The following GPR176 variants were observed in gnomAD, a reference collection of about 807,000 sequenced individuals.
The protein encoded by GPR176 is G-protein coupled receptor 176.
In GPR176, 26 loss-of-function variants were observed where a neutral mutation model predicts 35.4. The ratio of observed to expected loss-of-function variants is 0.74; its 90% CI spans 0.54 to 1.02. The LOEUF is 1.02. Among genes scored for constraint, GPR176 ranks in the 50% least tolerant of loss-of-function variants. The pLI, the probability that GPR176 is intolerant of heterozygous loss-of-function variation, is 0.00. For synonymous variants in GPR176, 278 were observed against 271.3 expected, an observed-to-expected ratio of 1.02 and a Z score of -0.24; for missense variants, 597 against 665.3, an observed-to-expected ratio of 0.90 and a Z score of 1.13.
chr15:39,901,921 A>C (rs1310272660), intron 1 of GPR176, among the ~76,000 whole-genome samples: 1 of 134,870 alleles, frequency 7.4e-6, no homozygotes, highest in Non-Finnish European at 1.6e-5. Context: ...CAAAAATACA[A>C]AAAAAAAAAA....
intron 1 of GPR176, among the ~76,000 whole-genome samples, chr15:39,867,232 C>T (rs2031865233): frequency 1.3e-5 from 2 of 152,164 alleles, no homozygotes; most frequent in African/African-American, 4.8e-5. Flanking sequence ...AATACATGGG[C>T]TACATGTGTA....
intron 1 of GPR176, among the ~76,000 whole-genome samples, chr15:39,833,527 A>G (rs1901223015): frequency 6.6e-6 from 1 of 152,170 alleles, no homozygotes; most frequent in African/African-American, 2.4e-5. Flanking sequence ...TGTGGATACT[A>G]ATGAGAAGAC....
At chr15:39,880,425 T>C (rs2032429471) in intron 1 of GPR176, among the ~76,000 whole-genome samples, 1 of 152,154 alleles carries the variant, frequency 6.6e-6, no homozygotes, top group Non-Finnish European at 1.5e-5. Flanking sequence ...AACCTGCTTG[T>C]TAAAAGGTCC....
intron 1 of GPR176, among the ~76,000 whole-genome samples, chr15:39,875,906 C>G (rs1007780086): frequency 6.8e-6 from 1 of 146,068 alleles, no homozygotes; most frequent in Non-Finnish European, 1.5e-5. Context: ...TTTTATTCCT[C>G]CCAATGTTTA....
Position 39,852,838 on chromosome 15 carries a change from C to T in GPR176, c.173-45580G>A, listed in dbSNP as rs77569572. 5.9e-3 allele frequency among the ~76,000 whole-genome samples: 897 copies of T among 152,218 alleles called. 15 individuals are homozygous for T. Among genetic ancestry groups the T allele is most frequent in the African/African-American group, 0.021 (858 of 41,528 alleles). Reference sequence around the variant, plus strand: ...ACAATGTCTAGAGTAATATTTGGCACATAATAGGCACTCAAAAAGTTCTTG... The same window carrying T: ...ACAATGTCTAGAGTAATATTTGGCATATAATAGGCACTCAAAAAGTTCTTG... On this transcript the variant is annotated intron_variant, in intron 1 of 2. Transcript: ENST00000561100.
chr15:39,826,348 C>T (rs1278476220), intron 1 of GPR176, among the ~76,000 whole-genome samples: 1 of 152,144 alleles, frequency 6.6e-6, no homozygotes, highest in Non-Finnish European at 1.5e-5. Flanking sequence ...GCAAAGCACA[C>T]TGAAAAGGGG....
chr15:39,889,345 C>T (rs944391398), intron 1 of GPR176, among the ~76,000 whole-genome samples: 8 of 151,968 alleles, frequency 5.3e-5, no homozygotes, highest in African/African-American at 9.7e-5. Context: ...GTTGGAAATT[C>T]GAGACCAGCC....
At chr15:39,843,181 T>C (rs1007952160) in intron 1 of GPR176, among the ~76,000 whole-genome samples, 1 of 152,066 alleles carries the variant, frequency 6.6e-6, no homozygotes, top group Non-Finnish European at 1.5e-5. Context: ...TAAGAGTGGC[T>C]GTCATGTGGG....
chr15:39,880,536 C>G (rs1245516296), intron 1 of GPR176, among the ~76,000 whole-genome samples: 6 of 152,170 alleles, frequency 3.9e-5, no homozygotes, highest in Non-Finnish European at 8.8e-5. Flanking sequence ...ATTCTTAGAT[C>G]AAATTGGGTA....
chr15:39,814,940 G>A (rs1899798644), intron 1 of GPR176: 1 of 152,152 alleles, frequency 6.6e-6, no homozygotes, highest in Admixed American at 6.5e-5. Context: ...GTGCTTCAGT[G>A]TCATCATCTA....
chr15:39,904,486 T>G (rs374858720), intron 1 of GPR176, among the ~76,000 whole-genome samples: 16 of 152,098 alleles, frequency 1.1e-4, no homozygotes, highest in Non-Finnish European at 2.1e-4. Flanking sequence ...ATGGAATAGA[T>G]AGAGAACTGT....
At chr15:39,918,965 G>A (rs2033800188) in intron 1 of GPR176, among the ~76,000 whole-genome samples, 2 of 152,116 alleles carry the variant, frequency 1.3e-5, no homozygotes, top group Non-Finnish European at 1.5e-5. Flanking sequence ...ACGCCATATC[G>A]GGGACACAGG....
chr15:39,839,348 G>A (rs940497665), intron 1 of GPR176, among the ~76,000 whole-genome samples: 3 of 152,046 alleles, frequency 2.0e-5, no homozygotes, highest in Non-Finnish European at 2.9e-5. Context: ...TCTGATCTTC[G>A]ACAAACCTGT....
chr15:39,816,350 T>C (rs1035291295), intron 1 of GPR176, among the ~76,000 whole-genome samples: 16 of 152,150 alleles, frequency 1.1e-4, no homozygotes, highest in Admixed American at 1.3e-4. Flanking sequence ...CTCCACATTA[T>C]ACACCTATTT....
intron 1 of GPR176, among the ~76,000 whole-genome samples, chr15:39,808,660 G>A (rs1325351833): frequency 6.6e-6 from 1 of 152,062 alleles, no homozygotes; most frequent in African/African-American, 2.4e-5. Flanking sequence ...TATCAATCTT[G>A]TTCACTGTTG....
At chr15:39,895,119 C>G (rs2033063554) in intron 1 of GPR176, among the ~76,000 whole-genome samples, 1 of 152,196 alleles carries the variant, frequency 6.6e-6, no homozygotes, top group South Asian at 2.1e-4. Flanking sequence ...ACTCGGCAGG[C>G]TGAGTCAGGA....
intron 1 of GPR176, among the ~76,000 whole-genome samples, chr15:39,814,478 T>C (rs1214399936): frequency 6.6e-6 from 1 of 152,262 alleles, no homozygotes; most frequent in African/African-American, 2.4e-5. Context: ...TGGCTTCCAT[T>C]CCTTCGTTAA....
rs1276280974 is a variant in GPR176, at chr15:39,920,095, G to A, written c.-69C>T. 9.4e-6 allele frequency: 10 copies of A among 1,065,536 alleles called. No individual in the cohort carries two copies. Among genetic ancestry groups the A allele is most frequent in the African/African-American group, 1.6e-5 (1 of 60,854 alleles). The allele number at this position is 1,065,536 out of a possible 1,614,324, so 66.0% of individuals were successfully genotyped here. A position where few individuals can be genotyped will look rare whatever the true frequency, so the allele number is the denominator to read the frequency against. ...CCCCGCGCGGAGCCTCTCCTCCTCCGGGTGAGGAGGGACGCGCGGGCGCCT... is the reference window on the plus strand; with the variant it reads ...CCCCGCGCGGAGCCTCTCCTCCTCCAGGTGAGGAGGGACGCGCGGGCGCCT... On this transcript the variant is annotated 5_prime_UTR_variant, in exon 1 of 3. Coordinates refer to ENST00000561100, the MANE Select transcript of GPR176 (RefSeq NM_007223.3).
chr15:39,871,761 T>C (rs1475720552), intron 1 of GPR176, among the ~76,000 whole-genome samples: 1 of 152,208 alleles, frequency 6.6e-6, no homozygotes, highest in Non-Finnish European at 1.5e-5. Flanking sequence ...GACCAATGAC[T>C]GATGGAGTGA....
Sources: gnomAD v4.1 joint callset for allele counts (sites outside exome capture counted in the v4.1 genomes callset) on GRCh38, gnomAD v4.1.1 for gene constraint, MANE v1.5 for transcripts, NCBI Gene and HGNC (gene_info 2026-07-23, HGNC 2026-07-21) for gene names.